PTPRJ: variants seen among roughly 807,000 people sequenced by gnomAD.
The protein encoded by PTPRJ is protein tyrosine phosphatase receptor type J, also known as receptor-type tyrosine-protein phosphatase eta.
A neutral mutation model predicts 141.3 loss-of-function variants in PTPRJ; 129 were observed. The ratio of observed to expected loss-of-function variants is 0.91; its 90% CI spans 0.79 to 1.06. The LOEUF (loss-of-function observed/expected upper bound fraction) is 1.06, where lower values mean the gene tolerates loss of function less well. PTPRJ is among the 50% of genes least tolerant of loss of function. The pLI is 0.00. For missense variants in PTPRJ, 1,601 were observed against 1,679.7 expected, an observed-to-expected ratio of 0.95 and a Z score of 0.82; for synonymous variants, 610 against 640.5, an observed-to-expected ratio of 0.95 and a Z score of 0.72.
At chr11:48,004,127 T>G (rs953186078) in intron 1 of PTPRJ, among the ~76,000 whole-genome samples, 2 of 152,214 alleles carry the variant, frequency 1.3e-5, no homozygotes, top group African/African-American at 2.4e-5. Flanking sequence ...TCTAACGTGA[T>G]TGTTGGGTGA....
intron 7 of PTPRJ, among the ~76,000 whole-genome samples, chr11:48,128,871 G>A (rs1856903708): frequency 6.6e-6 from 1 of 152,204 alleles, no homozygotes; most frequent in African/African-American, 2.4e-5. Context: ...GCACACCTTA[G>A]CATTCTTATA....
rs1450941753 is a variant in PTPRJ at position 48,150,060 on chromosome 11, GA to G, written c.3051-34del. On this transcript the variant is annotated intron_variant, in intron 17 of 24. Transcript: ENST00000418331. ...TTTTCTATTGAATATGGACTTCACT[GA>G]ATGTAAAAAATCCTGATAAGTTTTG... The G allele has an allele frequency of 5.7e-6, 9 of 1,573,444 alleles. No homozygotes were observed. In the Admixed American group the frequency reaches 8.4e-5, roughly 15 times the overall value.
chr11:48,012,123 G>A (rs1854812067), intron 1 of PTPRJ, among the ~76,000 whole-genome samples: 1 of 152,186 alleles, frequency 6.6e-6, no homozygotes, highest in African/African-American at 2.4e-5. Context: ...GGGGCATGGT[G>A]TGGGGGACCT....
chr11:48,153,867 C>T lies in PTPRJ; in HGVS notation c.3210C>T (p.Arg1070=). Residue 1070 remains arginine (R), a synonymous_variant, in exon 19 of 25, where the codon CGC becomes CGT. Transcript: ENST00000418331. ...AELAENRGKN[R]YNNVLPYDIS... is the part of the protein sequence containing the mutation. ...TGGCTGAGAATAGAGGAAAGAATCG[C>T]TATAATAATGTTCTGCCCTGTAAGT... The T allele has an allele frequency of 6.2e-7, 1 of 1,612,446 alleles. No individual in the cohort carries two copies. Among genetic ancestry groups the T allele is most frequent in the Non-Finnish European group, 8.5e-7 (1 of 1,178,524 alleles).
chr11:48,121,068 A>T lies in PTPRJ; in HGVS notation c.418A>T (p.Lys140Ter). The change falls in exon 4 of 25, where the codon AAA becomes TAA. Residue 140 changes from lysine to a stop codon, truncating the protein, a stop_gained. Transcript: ENST00000418331. LOFTEE classifies it high-confidence loss of function. ...TCCAACCAATGTGATCTTAACTTGGAAAAGTAATGACACAGCTGCTTCTGA... is the reference window on the plus strand; with the variant it reads ...TCCAACCAATGTGATCTTAACTTGGTAAAGTAATGACACAGCTGCTTCTGA... ...ISPTNVILTW[K>*]SNDTAASEYK... 6.2e-7 allele frequency: 1 copy of T among 1,613,840 alleles called. No homozygotes were observed. The highest frequency in any genetic ancestry group is 1.1e-5 in the South Asian group (1 of 91,066).
At chr11:48,086,094 A>C (rs1428547984) in intron 1 of PTPRJ, among the ~76,000 whole-genome samples, 1 of 152,234 alleles carries the variant, frequency 6.6e-6, no homozygotes, top group Non-Finnish European at 1.5e-5. Flanking sequence ...TGAAACAGTG[A>C]AAGAAGATTT....
intron 1 of PTPRJ, among the ~76,000 whole-genome samples, chr11:47,994,042 G>T (rs1854267299): frequency 6.6e-6 from 1 of 151,786 alleles, no homozygotes; most frequent in African/African-American, 2.4e-5. Flanking sequence ...TTGTATTTTA[G>T]TAGAGACGGG....
chr11:48,061,909 GTTTTTTTTTT>G (rs551934826), intron 1 of PTPRJ, among the ~76,000 whole-genome samples: 2 of 134,582 alleles, frequency 1.5e-5, no homozygotes, highest in Admixed American at 7.6e-5. Context: ...CCAACTTATA[GTTTTTTTTTT>G]TTTTTTTTTT....
chr11:48,144,829 T>C lies in PTPRJ; in HGVS notation c.2730T>C (p.Asn910=), dbSNP rs757318584. 2 of 1,614,236 alleles carry C rather than the reference T, an allele frequency of 1.2e-6. No individual in the cohort carries two copies. The highest frequency in any genetic ancestry group is 1.1e-5 in the South Asian group (1 of 91,090). Residue 910 remains asparagine (N), a synonymous_variant, in exon 13 of 25, where the codon AAT becomes AAC. Transcript: ENST00000418331. ...TGAAATATGAAATTGACGTTGGGAA[T>C]GAGTCAACCACACTTGGTTATTACA... ...EVLKYEIDVG[N]ESTTLGYYNG...
intron 1 of PTPRJ, among the ~76,000 whole-genome samples, chr11:48,094,366 C>G (rs1043607049): frequency 6.6e-6 from 1 of 152,196 alleles, no homozygotes; most frequent in African/African-American, 2.4e-5. Flanking sequence ...TTTTGTCAAG[C>G]TAACCAAGTA....
rs1231816806 is a variant in PTPRJ, at chr11:48,130,554, C to A, written c.1453C>A (p.His485Asn). 6.2e-7 allele frequency: 1 copy of A among 1,614,064 alleles called. No homozygotes were observed. Among genetic ancestry groups the A allele is most frequent in the Admixed American group, 1.7e-5 (1 of 60,020 alleles). ...SSHDAESFQM[H>N]ITQEGAGNSR... Reference sequence around the variant, plus strand: ...CCATGATGCAGAATCATTTCAGATGCATATCACACAGGAGGGAGCTGGCAA... The same window carrying A: ...CCATGATGCAGAATCATTTCAGATGAATATCACACAGGAGGGAGCTGGCAA... The change falls in exon 8 of 25, where the codon CAT (histidine) becomes AAT (asparagine). Residue 485 changes from histidine to asparagine, a missense_variant. By Grantham distance (68) the His-to-Asn change is moderately conservative. Coordinates refer to ENST00000418331, the MANE Select transcript of PTPRJ (RefSeq NM_002843.4).
In PTPRJ at chr11:48,142,930, C is replaced by G; in HGVS notation, c.2455C>G (p.Pro819Ala). The G allele has an allele frequency of 6.2e-7, 1 of 1,613,806 alleles. No homozygotes were observed. The highest frequency in any genetic ancestry group is 1.1e-5 in the South Asian group (1 of 91,042). Residue 819 changes from proline to alanine, a missense_variant, in exon 12 of 25, where the codon CCA (proline) becomes GCA (alanine). Physicochemically the swap from Pro to Ala is conservative, Grantham distance 27. Transcript: ENST00000418331. ...CTTGITDPPP[P>A]DGSPNITSVS... The stretch of plus-strand genomic sequence containing the variant: ...TTGTTTTGTTTTAGATCCCCCTCCT[C>G]CAGATGGATCCCCTAATATTACATC...
At chr11:48,144,962 G>A (rs746389727) in intron 13 of PTPRJ, 38 bp from the exon 14 acceptor site, 15 of 1,614,016 alleles carry the variant, frequency 9.3e-6, no homozygotes, top group African/African-American at 2.7e-5. Flanking sequence ...GGTCAGACAC[G>A]TCTCAGGGAC....
intron 8 of PTPRJ, chr11:48,131,387 AAT>A: frequency 1.5e-6 from 1 of 651,818 alleles, no homozygotes; most frequent in Non-Finnish European, 2.8e-6. Flanking sequence ...CCAGCCCACA[AAT>A]ATATATTTAT....
chr11:48,112,837 A>T lies in PTPRJ; in HGVS notation c.206A>T (p.His69Leu), dbSNP rs1429077535. Residue 69 changes from histidine to leucine, a missense_variant, in exon 3 of 25, where the codon CAT becomes CTT. Physicochemically the swap from His to Leu is moderately conservative, Grantham distance 99 (BLOSUM62 -3). Transcript: ENST00000418331. ...TQISSTAESFHKQNGTGTPQV... is the reference protein window; with the variant it reads ...TQISSTAESFLKQNGTGTPQV... Reference sequence around the variant, plus strand: ...ATCAGCAGTACAGCAGAATCCTTTCATAAACAGAATGGAACTGGAACACCT... The same window carrying T: ...ATCAGCAGTACAGCAGAATCCTTTCTTAAACAGAATGGAACTGGAACACCT... The T allele has an allele frequency of 6.2e-7, 1 of 1,614,226 alleles. No individual in the cohort carries two copies. The highest frequency in any genetic ancestry group is 1.7e-5 in the Admixed American group (1 of 60,036).
At chr11:48,065,004 C>CTTTTTTTTTTTT (rs61139660) in intron 1 of PTPRJ, among the ~76,000 whole-genome samples, 1 of 117,208 alleles carries the variant, frequency 8.5e-6, no homozygotes, top group Non-Finnish European at 1.7e-5. Flanking sequence ...CCTCAACTAC[C>CTTTTTTTTTTTT]TTTTTTTTTT....
At chr11:48,071,463 C>T (rs550171567) in intron 1 of PTPRJ, among the ~76,000 whole-genome samples, 24 of 151,436 alleles carry the variant, frequency 1.6e-4, no homozygotes, top group Admixed American at 1.4e-3. Flanking sequence ...ACTACAGGCT[C>T]CTGCCACCAC....
chr11:48,125,001 G>A lies in PTPRJ; in HGVS notation c.908G>A (p.Ser303Asn), dbSNP rs1856800910. The part of the protein sequence containing the change: ...ASNTERSRAG[S>N]PTAPVHDESL... ...AATACAGAGAGAAGCCGGGCAGGGA[G>A]CCCCACCGCCCCTGTGCATGATGAG... The change falls in exon 6 of 25, where the codon AGC becomes AAC. Residue 303 changes from serine to asparagine, a missense_variant. By Grantham distance (46) the Ser-to-Asn change is conservative. Transcript: ENST00000418331. 1.2e-6 allele frequency: 2 copies of A among 1,614,056 alleles called. No homozygotes were observed. The highest frequency in any genetic ancestry group is 1.7e-6 in the Non-Finnish European group (2 of 1,180,006).
chr11:47,995,765 C>G (rs932901814), intron 1 of PTPRJ, among the ~76,000 whole-genome samples: 11 of 152,136 alleles, frequency 7.2e-5, no homozygotes, highest in Non-Finnish European at 1.2e-4. Flanking sequence ...GGGGGTCAGG[C>G]GTGGTGGCTC....
Sources: gnomAD v4.1 joint callset for allele counts (sites outside exome capture counted in the v4.1 genomes callset) on GRCh38, gnomAD v4.1.1 for gene constraint, MANE v1.5 for transcripts, NCBI Gene and HGNC (gene_info 2026-07-23, HGNC 2026-07-21) for gene names.